EIF2S2: variants seen among roughly 807,000 people sequenced by gnomAD.
EIF2S2 encodes the protein eukaryotic translation initiation factor 2 subunit beta.
A neutral mutation model predicts 44.0 loss-of-function variants in EIF2S2; 4 were observed. That is an observed-to-expected ratio of 0.09 (90% CI 0.04 to 0.21). The LOEUF (loss-of-function observed/expected upper bound fraction) is 0.21, where lower values mean the gene tolerates loss of function less well. EIF2S2 is among the 10% of genes least tolerant of loss of function. The pLI is 1.00. For synonymous variants in EIF2S2, 108 were observed against 128.3 expected (o/e 0.84, Z 1.07); for missense variants, 154 against 392.0 (o/e 0.39, Z 5.13).
intron 3 of EIF2S2, among the ~76,000 whole-genome samples, chr20:34,100,316 A>G (rs1479167016): frequency 2.0e-5 from 3 of 152,068 alleles, no homozygotes; most frequent in African/African-American, 4.8e-5. Context: ...CACCTGGCCA[A>G]CTGATTACAT....
In EIF2S2 at chr20:34,096,741, C is replaced by T. The variant is rs2034233434; in HGVS notation, c.599G>A (p.Arg200Lys). The change falls in exon 6 of 9, where the codon AGG (arginine) becomes AAG (lysine). Residue 200 changes from arginine to lysine, a missense_variant. Arg to Lys is a conservative substitution (Grantham distance 26). Around this residue, in one of 2 missense-constraint regions of EIF2S2, gnomAD observed 20 missense variants for 167.0 expected, o/e 0.12. Coordinates refer to ENST00000374980, the MANE Select transcript of EIF2S2 (RefSeq NM_003908.5). ...KNPDMVAGEK[R>K]KFVMKPPQVV... is the part of the protein sequence containing the mutation. ...TTGTGGAGGTTTCATGACAAATTTC[C>T]TTTTCTCCCCAGCAACCATATCTGG... The T allele has an allele frequency of 6.2e-7, 1 of 1,611,884 alleles. No individual in the cohort carries two copies. Among genetic ancestry groups the T allele is most frequent in the Non-Finnish European group, 8.5e-7 (1 of 1,179,728 alleles).
chr20:34,110,495 C>T (rs1326621632), intron 1 of EIF2S2, among the ~76,000 whole-genome samples: 2 of 152,158 alleles, frequency 1.3e-5, no homozygotes, highest in African/African-American at 2.4e-5. Context: ...ACAGTTGGAC[C>T]GGCACCCCTA....
At chr20:34,098,287 C>G (rs1321569043) in intron 4 of EIF2S2, among the ~76,000 whole-genome samples, 1 of 152,034 alleles carries the variant, frequency 6.6e-6, no homozygotes, top group Non-Finnish European at 1.5e-5. Flanking sequence ...TTTTCCCAAG[C>G]CTGAATCAGT....
At chr20:34,091,989 G>C (rs1200799425) in intron 7 of EIF2S2, among the ~76,000 whole-genome samples, 1 of 152,096 alleles carries the variant, frequency 6.6e-6, no homozygotes, top group Non-Finnish European at 1.5e-5. Context: ...AAACTGATAG[G>C]AAACTGTTGA....
intron 7 of EIF2S2, among the ~76,000 whole-genome samples, chr20:34,092,536 C>T (rs533686236): frequency 4.6e-5 from 7 of 152,038 alleles, no homozygotes; most frequent in African/African-American, 7.3e-5. Flanking sequence ...GGCGTGGTGG[C>T]GGGCGCCTGT....
At chr20:34,098,431 C>G in intron 4 of EIF2S2, 67 bp downstream of exon 4, 2 of 1,580,988 alleles carry the variant, frequency 1.3e-6, no homozygotes, top group East Asian at 2.2e-5. Context: ...CCCTCCACCC[C>G]CATCAAGGAG....
At chr20:34,111,982 G>T in intron 1 of EIF2S2, 114 bp downstream of exon 1, 1 of 1,196,820 alleles carries the variant, frequency 8.4e-7, no homozygotes. Flanking sequence ...CCTAGGCGCG[G>T]CTGCCTCACA....
In EIF2S2 at chr20:34,093,689, A is replaced by T; in HGVS notation, c.726T>A (p.Ala242=). The stretch of plus-strand genomic sequence containing the variant: ...CAGTTTCTTACCTTGTACCCAATTC[A>T]GCCAACAAAAATGCAAGGAGATGTT... The part of the protein sequence containing the change: ...QPKHLLAFLL[A]ELGTSGSIDG... Residue 242 remains alanine (A), a synonymous_variant, in exon 7 of 9, where the codon GCT becomes GCA. Transcript: ENST00000374980. 1 of 1,609,044 alleles carries T rather than the reference A, an allele frequency of 6.2e-7. No individual in the cohort carries two copies. The highest frequency in any genetic ancestry group is 1.1e-5 in the South Asian group (1 of 90,180).
chr20:34,102,320 G>GA (rs1160266560), intron 3 of EIF2S2, among the ~76,000 whole-genome samples: 1 of 152,134 alleles, frequency 6.6e-6, no homozygotes, highest in African/African-American at 2.4e-5. Flanking sequence ...ATAGTAGAAG[G>GA]AAAAGAGAAT....
chr20:34,091,791 C>A (rs2034168725), intron 7 of EIF2S2, among the ~76,000 whole-genome samples: 3 of 129,998 alleles, frequency 2.3e-5, no homozygotes, highest in Admixed American at 7.9e-5. Context: ...GGGGGGGGTC[C>A]AAGGGTGGAG....
chr20:34,093,478 C>G (rs1467153230), intron 7 of EIF2S2, among the ~76,000 whole-genome samples, 197 bp downstream of exon 7: 1 of 152,210 alleles, frequency 6.6e-6, no homozygotes, highest in Non-Finnish European at 1.5e-5. Context: ...CAGGCCTGTT[C>G]AGATGTCAAC....
rs1601530664 is a variant in EIF2S2 at position 34,093,658 on chromosome 20, T to C, written c.740+17A>G. On this transcript the variant is annotated intron_variant, in intron 7 of 8. Transcript: ENST00000374980. ...AATGTCCAGCAGTACTGTATGTAAA[T>C]GTATACAGTTTCTTACCTTGTACCC... 2 of 1,599,480 alleles carry C rather than the reference T, an allele frequency of 1.3e-6. No individual in the cohort carries two copies. The highest frequency in any genetic ancestry group is 1.3e-5 in the African/African-American group (1 of 74,786).
chr20:34,105,285 G>A, intron 2 of EIF2S2, 83 bp downstream of exon 2: 1 of 1,454,410 alleles, frequency 6.9e-7, no homozygotes, highest in Non-Finnish European at 9.3e-7. Flanking sequence ...CAGGCTGAGA[G>A]GTCGCTGCAT....
At chr20:34,107,883 G>A (rs1216423262) in intron 1 of EIF2S2, among the ~76,000 whole-genome samples, 1 of 152,206 alleles carries the variant, frequency 6.6e-6, no homozygotes, top group African/African-American at 2.4e-5. Context: ...CTGAAATGCA[G>A]TCAGTCTGAA....
chr20:34,106,030 T>TA (rs1180398067), intron 1 of EIF2S2, among the ~76,000 whole-genome samples: 1 of 152,124 alleles, frequency 6.6e-6, no homozygotes, highest in Non-Finnish European at 1.5e-5. Flanking sequence ...CAAGTGATCC[T>TA]ACCATCTTAG....
chr20:34,089,557 A>C lies in EIF2S2; in HGVS notation c.*173T>G. 1 of 603,000 alleles carries C rather than the reference A, an allele frequency of 1.7e-6. No homozygotes were observed. Among genetic ancestry groups the C allele is most frequent in the Non-Finnish European group, 2.8e-6 (1 of 358,104 alleles). The allele number at this position is 603,000 out of a possible 1,614,324, so 37.4% of individuals were successfully genotyped here. On this transcript the variant is annotated 3_prime_UTR_variant, in exon 9 of 9. Coordinates refer to ENST00000374980, the MANE Select transcript of EIF2S2 (RefSeq NM_003908.5). ...CTGACAGGTGTTAAAGTAGGCAATG[A>C]GTATGTCAACAGCTTGAGCATCAGC... is the stretch of plus-strand genomic sequence containing the variant.
At chr20:34,101,019 A>G (rs1423651625) in intron 3 of EIF2S2, among the ~76,000 whole-genome samples, 1 of 152,176 alleles carries the variant, frequency 6.6e-6, no homozygotes, top group Admixed American at 6.5e-5. Flanking sequence ...CTACATCCTG[A>G]CCTGGGACAA....
chr20:34,092,272 A>G (rs1007021252), intron 7 of EIF2S2, among the ~76,000 whole-genome samples: 5 of 152,194 alleles, frequency 3.3e-5, no homozygotes, highest in Non-Finnish European at 7.4e-5. Context: ...AGTTTATCCC[A>G]CCTCTAACAA....
chr20:34,094,733 TATAAA>T (rs1395980598), intron 6 of EIF2S2, among the ~76,000 whole-genome samples: 3 of 152,048 alleles, frequency 2.0e-5, no homozygotes, highest in South Asian at 2.1e-4. Context: ...TACATACACA[TATAAA>T]ATAAAAAACA....
Sources: gnomAD v4.1 joint callset for allele counts (sites outside exome capture counted in the v4.1 genomes callset) on GRCh38, gnomAD v4.1.1 for gene constraint, gnomAD v4.1.1 regional missense constraint, MANE v1.5 for transcripts, NCBI Gene and HGNC (gene_info 2026-07-23, HGNC 2026-07-21) for gene names.